The following EIF4EBP1 variants were observed in gnomAD, a reference collection of about 807,000 sequenced individuals.
EIF4EBP1 encodes eukaryotic translation initiation factor 4E-binding protein 1.
In EIF4EBP1, 5 loss-of-function variants were observed where a neutral mutation model predicts 9.2. The ratio of observed to expected loss-of-function variants is 0.54; its 90% CI spans 0.28 to 1.14. The LOEUF is 1.14. EIF4EBP1 is among the 50% of genes most tolerant of loss of function. The pLI, the probability that EIF4EBP1 is intolerant of heterozygous loss-of-function variation, is 0.09. For missense variants in EIF4EBP1, 139 were observed against 169.6 expected (o/e 0.82, Z 1.00); for synonymous variants, 62 against 67.0 (o/e 0.93, Z 0.36).
Position 38,030,581 on chromosome 8 carries a change from G to A in EIF4EBP1, c.8G>A (p.Gly3Glu), listed in dbSNP as rs1478256886. ...TGCAGCGCACAGGAGACCATGTCCG[G>A]GGGCAGCAGCTGCAGCCAGACCCCA... MSGGSSCSQTPSR... is the reference protein window; with the variant it reads MSEGSSCSQTPSR... Residue 3 changes from glycine (G) to glutamate (E), a missense_variant, in exon 1 of 3, where the codon GGG becomes GAG. Coordinates refer to ENST00000338825, the MANE Select transcript of EIF4EBP1 (RefSeq NM_004095.4). 17 of 1,515,826 alleles carry A rather than the reference G, an allele frequency of 1.1e-5. No homozygotes were observed. The highest frequency in any genetic ancestry group is 1.5e-5 in the Non-Finnish European group (17 of 1,138,406). The allele number at this position is 1,515,826 out of a possible 1,614,324, so 93.9% of individuals were successfully genotyped here.
intron 1 of EIF4EBP1, among the ~76,000 whole-genome samples, chr8:38,033,579 C>T (rs1005784565): frequency 1.3e-5 from 2 of 151,698 alleles, no homozygotes; most frequent in African/African-American, 4.8e-5. Context: ...TGGCTGTCTG[C>T]ACCTGCTTAC....
At position 38,033,982 on chromosome 8, in the gene EIF4EBP1, G is replaced by A. The variant is rs896860538; in HGVS notation, c.145+3264G>A. 1.8e-4 allele frequency among the ~76,000 whole-genome samples: 27 copies of A among 152,044 alleles called. 1 individual carries two copies. The highest frequency in any genetic ancestry group is 9.2e-4 in the Admixed American group (14 of 15,240). ...AGGATGGTCTCGATCTCCTGACCTC[G>A]TGATCCGCCTGCATTGGCCTCCCAA... is the stretch of plus-strand genomic sequence containing the variant. On this transcript the variant is annotated intron_variant, in intron 1 of 2. Transcript: ENST00000338825.
intron 1 of EIF4EBP1, among the ~76,000 whole-genome samples, chr8:38,031,502 C>G (rs569641142): frequency 1.5e-4 from 23 of 152,340 alleles, no homozygotes; most frequent in Middle Eastern, 6.8e-3. Context: ...CTGATGAAAC[C>G]TACGCGCCTG....
At position 38,057,154 on chromosome 8, in the gene EIF4EBP1, G is replaced by T. The variant is rs1332532682; in HGVS notation, c.219G>T (p.Arg73Ser). The T allele has an allele frequency of 1.9e-6, 3 of 1,614,140 alleles. No homozygotes were observed. The East Asian group carries it at 6.7e-5, about 36-fold the overall frequency. ...RNSPVTKTPPRDLPTIPGVTS... is the reference protein window; with the variant it reads ...RNSPVTKTPPSDLPTIPGVTS... ...CACCTGTGACCAAAACACCCCCAAGGGATCTGCCCACCATTCCGGGGGTCA... is the reference window on the plus strand; with the variant it reads ...CACCTGTGACCAAAACACCCCCAAGTGATCTGCCCACCATTCCGGGGGTCA... The change falls in exon 2 of 3, where the codon AGG becomes AGT. Residue 73 changes from arginine (R) to serine (S), a missense_variant. Transcript: ENST00000338825.
At chr8:38,054,476 T>TG (rs1175306849) in intron 1 of EIF4EBP1, among the ~76,000 whole-genome samples, 1 of 150,800 alleles carries the variant, frequency 6.6e-6, no homozygotes, top group Non-Finnish European at 1.5e-5. Flanking sequence ...AAAGCAAAGT[T>TG]GGGGGGAAAC....
intron 1 of EIF4EBP1, among the ~76,000 whole-genome samples, chr8:38,047,044 G>A (rs894619916): frequency 2.0e-5 from 3 of 152,070 alleles, no homozygotes; most frequent in Non-Finnish European, 4.4e-5. Flanking sequence ...CTCACCCCTC[G>A]GGCACTGGAG....
chr8:38,059,214 G>T (rs564686842), intron 2 of EIF4EBP1, among the ~76,000 whole-genome samples: 1 of 152,216 alleles, frequency 6.6e-6, no homozygotes, highest in African/African-American at 2.4e-5. Flanking sequence ...TGTTTGGGTC[G>T]TGGGGACAGA....
chr8:38,033,605 G>C (rs951042733), intron 1 of EIF4EBP1, among the ~76,000 whole-genome samples: 1 of 151,032 alleles, frequency 6.6e-6, no homozygotes, highest in Non-Finnish European at 1.5e-5. Flanking sequence ...GGGACTGTCA[G>C]CTTCTCAGGA....
At chr8:38,044,945 A>G (rs1022917535) in intron 1 of EIF4EBP1, among the ~76,000 whole-genome samples, 2 of 152,096 alleles carry the variant, frequency 1.3e-5, no homozygotes, top group African/African-American at 2.4e-5. Flanking sequence ...CGATTGCTGT[A>G]TGCACCTCGC....
At chr8:38,044,893 G>A (rs1042590150) in intron 1 of EIF4EBP1, among the ~76,000 whole-genome samples, 14 of 152,296 alleles carry the variant, frequency 9.2e-5, no homozygotes, top group South Asian at 2.1e-4. Flanking sequence ...GACCTAGCAC[G>A]TCAGGCTGTG....
intron 1 of EIF4EBP1, among the ~76,000 whole-genome samples, chr8:38,045,084 G>A (rs1217259542): frequency 1.3e-5 from 2 of 152,126 alleles, no homozygotes; most frequent in Admixed American, 1.3e-4. Flanking sequence ...CTCTTTAACA[G>A]CAATTATGTG....
chr8:38,053,218 G>T (rs948775940), intron 1 of EIF4EBP1, among the ~76,000 whole-genome samples: 2 of 148,924 alleles, frequency 1.3e-5, no homozygotes, highest in African/African-American at 5.0e-5. Context: ...GGGTTTCACC[G>T]TGTTGACCAG....
Position 38,031,739 on chromosome 8 carries a change from T to C in EIF4EBP1, c.145+1021T>C, listed in dbSNP as rs150971284. On this transcript the variant is annotated intron_variant, in intron 1 of 2. Coordinates refer to ENST00000338825, the MANE Select transcript of EIF4EBP1 (RefSeq NM_004095.4). ...GAGCGCGGCCAGATCCGAGGTCCTC[T>C]GCTGTTTGATCCAAAACATACACTG... 6.9e-3 allele frequency among the ~76,000 whole-genome samples: 1,045 copies of C among 152,302 alleles called. 8 individuals carry two copies. The highest frequency in any genetic ancestry group is 8.8e-3 in the Non-Finnish European group (597 of 68,026).
intron 1 of EIF4EBP1, among the ~76,000 whole-genome samples, chr8:38,043,521 A>G (rs534517912): frequency 2.0e-5 from 3 of 151,452 alleles, no homozygotes; most frequent in African/African-American, 4.9e-5. Flanking sequence ...TAGTTTTTGT[A>G]TTTTTAGTAG....
intron 1 of EIF4EBP1, among the ~76,000 whole-genome samples, chr8:38,040,774 T>C (rs1173444351): frequency 6.6e-6 from 1 of 152,188 alleles, no homozygotes; most frequent in Non-Finnish European, 1.5e-5. Context: ...AGGCCTAGGC[T>C]CAGAAGTCCC....
At chr8:38,044,988 C>A (rs1309426287) in intron 1 of EIF4EBP1, among the ~76,000 whole-genome samples, 2 of 152,136 alleles carry the variant, frequency 1.3e-5, no homozygotes, top group African/African-American at 4.8e-5. Context: ...ATGCAGCACT[C>A]CAATGCTCCT....
chr8:38,042,170 C>T (rs1163632937), intron 1 of EIF4EBP1, among the ~76,000 whole-genome samples: 1 of 152,172 alleles, frequency 6.6e-6, no homozygotes, highest in Non-Finnish European at 1.5e-5. Flanking sequence ...CACACCTGCC[C>T]TGCCCTACCC....
chr8:38,045,528 A>G (rs1440260260), intron 1 of EIF4EBP1, among the ~76,000 whole-genome samples: 1 of 151,328 alleles, frequency 6.6e-6, no homozygotes, highest in Non-Finnish European at 1.5e-5. Flanking sequence ...AACATGACAA[A>G]ACCTTGTCTA....
chr8:38,040,243 GCTGTTTATTTAC>G (rs1231828509), intron 1 of EIF4EBP1, among the ~76,000 whole-genome samples: 1 of 152,182 alleles, frequency 6.6e-6, no homozygotes, highest in Non-Finnish European at 1.5e-5. Flanking sequence ...TGTGACTGAT[GCTGTTTATTTAC>G]CTGTTTGCAT....
Sources: gnomAD v4.1 joint callset for allele counts (sites outside exome capture counted in the v4.1 genomes callset) on GRCh38, gnomAD v4.1.1 for gene constraint, MANE v1.5 for transcripts, NCBI Gene and HGNC (gene_info 2026-07-23, HGNC 2026-07-21) for gene names.